The following MAGI2 variants were observed in gnomAD, a reference collection of about 807,000 sequenced individuals.
The protein encoded by MAGI2 is membrane-associated guanylate kinase, WW and PDZ domain-containing protein 2.
A neutral mutation model predicts 133.3 loss-of-function variants in MAGI2; 35 were observed. That is an observed-to-expected ratio of 0.26 (90% confidence interval 0.20 to 0.35). The LOEUF (loss-of-function observed/expected upper bound fraction) is 0.35, where lower values mean the gene tolerates loss of function less well. MAGI2 is among the 10% of genes least tolerant of loss of function. The pLI is 1.00. For synonymous variants in MAGI2, 729 were observed against 710.6 expected, an observed-to-expected ratio of 1.03 and a Z score of -0.41; for missense variants, 1,636 against 1,863.4, an observed-to-expected ratio of 0.88 and a Z score of 2.25.
intron 1 of MAGI2, among the ~76,000 whole-genome samples, chr7:79,434,343 C>A (rs528195315): frequency 1.5e-3 from 233 of 152,176 alleles, no homozygotes; most frequent in African/African-American, 5.3e-3. Context: ...AGATTACACA[C>A]TGCTAAAGTA....
At chr7:79,353,595 C>G in intron 1 of MAGI2, 1 of 414,820 alleles carries the variant, frequency 2.4e-6, no homozygotes. Context: ...CTCTGGTGAT[C>G]TTCCTGCTCT....
In MAGI2 at chr7:78,747,456, G is replaced by T. The variant is rs1238195081; in HGVS notation, c.419-120217C>A. Among the ~76,000 whole-genome samples, 3 of 98,146 alleles carry T rather than the reference G, an allele frequency of 3.1e-5. No homozygotes were observed. The East Asian group carries it at 9.5e-4, about 31-fold the overall frequency. The allele number at this position is 98,146 out of a possible 152,430, so 64.4% of individuals were successfully genotyped here. ...AGACATTTTAGGTATCAGATGAGGT[G>T]ATAAAACCCTTAGAAACAGAATCCA... On this transcript the variant is annotated intron_variant, in intron 2 of 21. Transcript: ENST00000354212.
In MAGI2 at chr7:78,501,760, G is replaced by A. The variant is rs756478411; in HGVS notation, c.782C>T (p.Ala261Val). The A allele has an allele frequency of 6.2e-7, 1 of 1,613,700 alleles. No homozygotes were observed. Among genetic ancestry groups the A allele is most frequent in the Non-Finnish European group, 8.5e-7 (1 of 1,179,992 alleles). The change falls in exon 5 of 22, where the codon GCA (alanine) becomes GTA (valine). Residue 261 changes from alanine to valine, a missense_variant. Physicochemically the swap from Ala to Val is moderately conservative, Grantham distance 64 (BLOSUM62 0). Around this residue, in one of 5 missense-constraint regions of MAGI2, gnomAD observed 165 missense variants for 128.4 expected, o/e 1.28. Coordinates refer to ENST00000354212, the MANE Select transcript of MAGI2 (RefSeq NM_012301.4). ...GGAGGGCATCTCCCCTGAGGCACCT[G>A]CACTTTTGTCTTCATGTTCACTGGA... The part of the protein sequence containing the change: ...PESSEHEDKS[A>V]GASGEMPSQP...
intron 2 of MAGI2, among the ~76,000 whole-genome samples, chr7:78,955,916 AT>A (rs1340809165): frequency 2.6e-5 from 4 of 151,876 alleles, no homozygotes; most frequent in Non-Finnish European, 5.9e-5. Flanking sequence ...TCACTTTATA[AT>A]ATCTAGAAAC....
intron 1 of MAGI2, among the ~76,000 whole-genome samples, chr7:79,250,432 G>A (rs1250634962): frequency 1.3e-5 from 2 of 150,188 alleles, no homozygotes; most frequent in Non-Finnish European, 3.0e-5. Flanking sequence ...ACAAAAGTCA[G>A]TACCATTTGT....
chr7:78,086,189 C>CTTTCTAAA (rs1184079437), intron 20 of MAGI2, among the ~76,000 whole-genome samples: 1 of 146,398 alleles, frequency 6.8e-6, no homozygotes, highest in Non-Finnish European at 1.5e-5. Context: ...TAGATAGCTT[C>CTTTCTAAA]TTTCTAAATC....
intron 1 of MAGI2, among the ~76,000 whole-genome samples, chr7:79,214,752 C>T (rs919024170): frequency 3.3e-4 from 43 of 129,474 alleles, no homozygotes; most frequent in Admixed American, 1.2e-3. Context: ...TATATAAATA[C>T]ATATATGATA....
intron 2 of MAGI2, among the ~76,000 whole-genome samples, chr7:78,885,924 C>G (rs963734836): frequency 1.3e-5 from 2 of 152,146 alleles, no homozygotes; most frequent in Non-Finnish European, 2.9e-5. Flanking sequence ...CAGACTGTGC[C>G]TGCTGATCCT....
At chr7:78,380,221 T>C (rs895770550) in intron 6 of MAGI2, among the ~76,000 whole-genome samples, 3 of 151,992 alleles carry the variant, frequency 2.0e-5, no homozygotes, top group Admixed American at 6.6e-5. Context: ...TATTTCTTTT[T>C]TTAAAAAAGC....
chr7:79,367,523 T>C (rs984136945), intron 1 of MAGI2, among the ~76,000 whole-genome samples: 2 of 152,106 alleles, frequency 1.3e-5, no homozygotes, highest in Admixed American at 6.5e-5. Flanking sequence ...TTTTCACCAG[T>C]GATGTTCTGT....
intron 1 of MAGI2, among the ~76,000 whole-genome samples, chr7:79,381,129 C>T (rs1227540806): frequency 2.4e-5 from 3 of 123,228 alleles, no homozygotes; most frequent in African/African-American, 7.5e-5. Flanking sequence ...ATTACCATAT[C>T]GGTGCTGCTC....
At chr7:78,612,700 C>G (rs975043989) in intron 3 of MAGI2, among the ~76,000 whole-genome samples, 1 of 151,722 alleles carries the variant, frequency 6.6e-6, no homozygotes, top group Admixed American at 6.6e-5. Flanking sequence ...GGCGGGGTCT[C>G]GCTCTGTCGC....
intron 5 of MAGI2, among the ~76,000 whole-genome samples, chr7:78,492,837 A>G (rs1793746259): frequency 1.3e-5 from 2 of 152,224 alleles, no homozygotes; most frequent in Admixed American, 1.3e-4. Flanking sequence ...ATACACATAC[A>G]TAGGCTACAT....
intron 2 of MAGI2, among the ~76,000 whole-genome samples, chr7:78,701,898 C>T (rs933878143): frequency 1.3e-5 from 2 of 151,874 alleles, no homozygotes; most frequent in Admixed American, 1.3e-4. Flanking sequence ...TGGAATTTCC[C>T]TAAGGTTTCA....
intron 10 of MAGI2, among the ~76,000 whole-genome samples, chr7:78,207,704 T>A (rs1029240665): frequency 1.3e-5 from 2 of 152,164 alleles, no homozygotes; most frequent in African/African-American, 4.8e-5. Flanking sequence ...TTTTTCCTAA[T>A]GAAACTGACC....
At chr7:79,297,842 A>G (rs915245997) in intron 1 of MAGI2, among the ~76,000 whole-genome samples, 1 of 152,242 alleles carries the variant, frequency 6.6e-6, no homozygotes, top group Non-Finnish European at 1.5e-5. Context: ...TTGAAGTACT[A>G]TCTCAGCACA....
intron 1 of MAGI2, among the ~76,000 whole-genome samples, chr7:79,235,682 C>T (rs1205919192): frequency 2.6e-5 from 4 of 152,172 alleles, no homozygotes; most frequent in East Asian, 1.9e-4. Context: ...CACTGACCTG[C>T]GCCCACTGTC....
chr7:79,357,434 T>C (rs1420585249), intron 1 of MAGI2, among the ~76,000 whole-genome samples: 2 of 152,218 alleles, frequency 1.3e-5, no homozygotes, highest in African/African-American at 4.8e-5. Context: ...CCAAGGAAAC[T>C]ATTTGTTCCA....
intron 1 of MAGI2, among the ~76,000 whole-genome samples, chr7:79,176,046 C>T (rs756913362): frequency 7.2e-5 from 11 of 151,962 alleles, no homozygotes; most frequent in Non-Finnish European, 1.3e-4. Flanking sequence ...TAATAGTTTC[C>T]TGTTAAACAT....
Sources: allele counts gnomAD v4.1 joint callset (sites outside exome capture counted in the v4.1 genomes callset), GRCh38; gene constraint gnomAD v4.1.1; regional missense constraint gnomAD v4.1.1; transcripts MANE v1.5; gene names NCBI Gene and HGNC (gene_info 2026-07-23, HGNC 2026-07-21).